Variants in PPARGC1A observed in about 807,000 individuals in gnomAD.
The protein encoded by PPARGC1A is PPARG coactivator 1 alpha, also known as peroxisome proliferator-activated receptor gamma coactivator 1-alpha.
In PPARGC1A, 25 loss-of-function variants were observed where a neutral mutation model predicts 88.7. The observed-to-expected ratio is 0.28, with a 90% CI of 0.21 to 0.39. The LOEUF (loss-of-function observed/expected upper bound fraction) is 0.39, where lower values mean the gene tolerates loss of function less well. Ranked by LOEUF, PPARGC1A falls within the 10% of genes least tolerant of loss-of-function variation. The pLI, the probability that PPARGC1A is intolerant of heterozygous loss-of-function variation, is 1.00. For missense variants in PPARGC1A, 880 were observed against 968.7 expected (o/e 0.91, Z 1.22); for synonymous variants, 363 against 355.6 (o/e 1.02, Z -0.24).
the PPARGC1A span, among the ~76,000 whole-genome samples, chr4:24,102,048 C>T: frequency 6.6e-4 from 101 of 152,228 alleles, 1 homozygote; most frequent in Middle Eastern, 0.027. Context: ...TATGGCTGCA[C>T]GACCCCAGGG....
chr4:24,002,627 C>T, the PPARGC1A span, among the ~76,000 whole-genome samples: 46 of 144,226 alleles, frequency 3.2e-4, no homozygotes, highest in African/African-American at 9.2e-4. Flanking sequence ...TTTTAAGCAA[C>T]GATGACAATA....
At chr4:23,844,872 A>ATAATATATGATATATAT (rs758118797) in intron 2 of PPARGC1A, among the ~76,000 whole-genome samples, 1 of 82,168 alleles carries the variant, frequency 1.2e-5, no homozygotes, top group African/African-American at 4.9e-5. Context: ...GATATATATT[A>ATAATATATGATATATAT]TATACACACA....
the PPARGC1A span, among the ~76,000 whole-genome samples, chr4:23,992,431 A>G: frequency 1.3e-5 from 2 of 151,992 alleles, no homozygotes; most frequent in African/African-American, 4.8e-5. Context: ...CATTTAGCCT[A>G]CATAACACCC....
chr4:23,798,850 A>T (rs1718119983), intron 12 of PPARGC1A, among the ~76,000 whole-genome samples: 1 of 152,150 alleles, frequency 6.6e-6, no homozygotes, highest in African/African-American at 2.4e-5. Flanking sequence ...TGATCAAGTC[A>T]TTTTAATCTC....
At chr4:24,278,263 A>G in the PPARGC1A span, among the ~76,000 whole-genome samples, 1 of 152,228 alleles carries the variant, frequency 6.6e-6, no homozygotes, top group Non-Finnish European at 1.5e-5. Context: ...ATTAAATTAG[A>G]TATACTACAA....
chr4:23,882,954 C>T (rs900897563), intron 2 of PPARGC1A: 2 of 152,102 alleles, frequency 1.3e-5, no homozygotes, highest in Non-Finnish European at 2.9e-5. Flanking sequence ...TATTCTCTAG[C>T]CTCTACAAAA....
the PPARGC1A span, among the ~76,000 whole-genome samples, chr4:24,084,768 A>G: frequency 3.5e-4 from 54 of 152,348 alleles, no homozygotes; most frequent in African/African-American, 9.6e-4. Context: ...TGATGAATGA[A>G]CGTGTCCCAC....
chr4:24,163,407 C>T, the PPARGC1A span, among the ~76,000 whole-genome samples: 1 of 151,908 alleles, frequency 6.6e-6, no homozygotes. Context: ...CGGGGTTCAC[C>T]AACTACTTTT....
At chr4:24,055,249 G>T in the PPARGC1A span, among the ~76,000 whole-genome samples, 1 of 152,178 alleles carries the variant, frequency 6.6e-6, no homozygotes, top group Non-Finnish European at 1.5e-5. Context: ...TGTTTCATGG[G>T]CTCCCACATC....
the PPARGC1A span, among the ~76,000 whole-genome samples, chr4:24,350,762 G>C: frequency 5.9e-5 from 9 of 152,126 alleles, no homozygotes; most frequent in African/African-American, 1.9e-4. Context: ...AACATGGAGA[G>C]GGTAAAATTA....
At chr4:24,053,437 C>A in the PPARGC1A span, among the ~76,000 whole-genome samples, 2 of 151,970 alleles carry the variant, frequency 1.3e-5, no homozygotes, top group African/African-American at 4.8e-5. Context: ...GGCTAAGCAC[C>A]AGCTTTGATG....
Position 23,877,333 on chromosome 4 carries a change from G to A in PPARGC1A, c.234+7419C>T, listed in dbSNP as rs545217536. On this transcript the variant is annotated intron_variant, in intron 2 of 12. Transcript: ENST00000264867. ...AGATTGAGACCATCCTGGCTAACAC[G>A]GGGAAACCCCGTCTCTACTAAAAAT... Among the ~76,000 whole-genome samples the A allele has an allele frequency of 1.1e-4, 14 of 131,982 alleles. 1 individual carries two copies. The highest frequency in any genetic ancestry group is 3.2e-4 in the African/African-American group (11 of 33,936). The allele number at this position is 131,982 out of a possible 152,430, so 86.6% of individuals were successfully genotyped here.
chr4:24,455,278 T>A, the PPARGC1A span, among the ~76,000 whole-genome samples: 11 of 152,178 alleles, frequency 7.2e-5, no homozygotes, highest in South Asian at 2.3e-3. Context: ...GCCAGAAGTT[T>A]GAGACCAGCC....
the PPARGC1A span, among the ~76,000 whole-genome samples, chr4:24,018,707 C>G: frequency 2.0e-5 from 3 of 152,160 alleles, no homozygotes; most frequent in Admixed American, 2.0e-4. Context: ...AATGACAAAA[C>G]CTCCAGCACA....
At chr4:24,266,988 C>G in the PPARGC1A span, among the ~76,000 whole-genome samples, 8,844 of 152,186 alleles carry the variant, frequency 0.058, 334 homozygotes, top group East Asian at 0.18. Flanking sequence ...CCAGAAGACC[C>G]ACATACTTTA....
intron 2 of PPARGC1A, among the ~76,000 whole-genome samples, chr4:23,851,953 G>C (rs942633389): frequency 1.1e-4 from 17 of 152,198 alleles, no homozygotes; most frequent in Non-Finnish European, 2.9e-5. Context: ...TTAGGGTATA[G>C]CTTAAAATTC....
the PPARGC1A span, among the ~76,000 whole-genome samples, chr4:24,159,998 T>C: frequency 6.6e-6 from 1 of 152,172 alleles, no homozygotes; most frequent in Non-Finnish European, 1.5e-5. Context: ...CTAACAAGAT[T>C]AGACTTTGGA....
chr4:24,443,742 T>G, the PPARGC1A span, among the ~76,000 whole-genome samples: 43,042 of 147,124 alleles, frequency 0.29, 7,326 homozygotes, highest in East Asian at 0.59. Context: ...TTTTTGTAAA[T>G]ATGGGGTTTT....
rs1476911195 is a variant in PPARGC1A at position 23,813,993 on chromosome 4, A to C, written c.1490T>G (p.Leu497Arg). ...TAGTCCTGAATTTATAAACATAGGT[A>C]GTTTGGAGAATTGTTCATTACTGAA... ...SDFSNEQFSKLPMFINSGLAM... is the reference protein window; with the variant it reads ...SDFSNEQFSKRPMFINSGLAM... Residue 497 changes from leucine to arginine, a missense_variant, in exon 8 of 13, where the codon CTA becomes CGA. By Grantham distance (102) the Leu-to-Arg change is moderately radical. Coordinates refer to ENST00000264867, the MANE Select transcript of PPARGC1A (RefSeq NM_013261.5). The C allele has an allele frequency of 6.2e-7, 1 of 1,614,006 alleles. No homozygotes were observed. The highest frequency in any genetic ancestry group is 8.5e-7 in the Non-Finnish European group (1 of 1,179,992).
Sources: allele counts gnomAD v4.1 joint callset (sites outside exome capture counted in the v4.1 genomes callset), GRCh38; gene constraint gnomAD v4.1.1; transcripts MANE v1.5; gene names NCBI Gene and HGNC (gene_info 2026-07-23, HGNC 2026-07-21).